The following GFRA2 variants were observed in gnomAD, a reference collection of about 807,000 sequenced individuals.
GFRA2 encodes GDNF family receptor alpha 2.
In GFRA2, 17 loss-of-function variants were observed where a neutral mutation model predicts 48.3. The observed-to-expected ratio is 0.35, with a 90% CI of 0.24 to 0.53. The LOEUF (loss-of-function observed/expected upper bound fraction) is 0.53. Among genes scored for constraint, GFRA2 ranks in the 20% least tolerant of loss-of-function variants. GFRA2 has a pLI of 0.93. For synonymous variants in GFRA2, 305 were observed against 257.2 expected, an observed-to-expected ratio of 1.19 and a Z score of -1.78; for missense variants, 660 against 637.3, an observed-to-expected ratio of 1.04 and a Z score of -0.38.
At chr8:21,749,861 A>G (rs1805192042) in intron 4 of GFRA2, among the ~76,000 whole-genome samples, 1 of 151,924 alleles carries the variant, frequency 6.6e-6, no homozygotes, top group South Asian at 2.1e-4. Context: ...CACCTATAAA[A>G]TAGGAGTAAA....
At chr8:21,787,560 G>A (rs1464564198) in intron 1 of GFRA2, among the ~76,000 whole-genome samples, 1 of 152,140 alleles carries the variant, frequency 6.6e-6, no homozygotes, top group African/African-American at 2.4e-5. Flanking sequence ...GTGGGGACGC[G>A]GGCTCCGTTT....
intron 4 of GFRA2, among the ~76,000 whole-genome samples, chr8:21,740,158 G>T (rs1804680231): frequency 6.6e-6 from 1 of 152,124 alleles, no homozygotes; most frequent in African/African-American, 2.4e-5. Context: ...GCTGGGACTG[G>T]CTCCTCTGCA....
intron 4 of GFRA2, among the ~76,000 whole-genome samples, chr8:21,747,251 C>T (rs1045666296): frequency 6.6e-6 from 1 of 152,184 alleles, no homozygotes; most frequent in African/African-American, 2.4e-5. Context: ...ATCATGCTCC[C>T]ATCTATCCTG....
chr8:21,720,650 G>A (rs951605948), intron 4 of GFRA2, among the ~76,000 whole-genome samples: 1 of 152,100 alleles, frequency 6.6e-6, no homozygotes, highest in African/African-American at 2.4e-5. Flanking sequence ...CAGCCGTGAC[G>A]TTTCATATGC....
chr8:21,726,878 A>C (rs1388476120), intron 4 of GFRA2, among the ~76,000 whole-genome samples: 1 of 150,576 alleles, frequency 6.6e-6, no homozygotes, highest in African/African-American at 2.5e-5. Flanking sequence ...TCAGCCTCCC[A>C]AGTAGCTGGG....
chr8:21,732,596 G>A (rs993573097), intron 4 of GFRA2, among the ~76,000 whole-genome samples: 2 of 152,238 alleles, frequency 1.3e-5, no homozygotes, highest in African/African-American at 4.8e-5. Flanking sequence ...GCAGGAGGAG[G>A]TGCAAGAGCA....
intron 7 of GFRA2, among the ~76,000 whole-genome samples, chr8:21,697,331 G>C (rs899690982): frequency 1.3e-5 from 2 of 151,818 alleles, no homozygotes; most frequent in Non-Finnish European, 2.9e-5. Context: ...GCAGGGGAGA[G>C]AATAAAGGGG....
chr8:21,800,458 C>T (rs1807750278), intron 2 of GFRA2, among the ~76,000 whole-genome samples: 3 of 152,250 alleles, frequency 2.0e-5, no homozygotes, highest in Non-Finnish European at 2.9e-5. Context: ...CGTTAGGCAT[C>T]ACAACCAGTC....
chr8:21,703,494 A>G (rs1449521791), intron 6 of GFRA2, among the ~76,000 whole-genome samples: 1 of 151,920 alleles, frequency 6.6e-6, no homozygotes, highest in Non-Finnish European at 1.5e-5. Flanking sequence ...TGCTCCTCCC[A>G]CACCATCCAG....
intron 4 of GFRA2, among the ~76,000 whole-genome samples, chr8:21,712,200 A>ACCT (rs1803077741): frequency 6.6e-6 from 1 of 151,958 alleles, no homozygotes; most frequent in Admixed American, 6.6e-5. Flanking sequence ...TGTTGGGTAC[A>ACCT]CCTCCCAGAC....
At chr8:21,809,388 G>A (rs918977731) in intron 1 of GFRA2, among the ~76,000 whole-genome samples, 3 of 152,188 alleles carry the variant, frequency 2.0e-5, no homozygotes, top group African/African-American at 4.8e-5. Flanking sequence ...GCAGTGGCGC[G>A]ATCTCAGCTC....
At chr8:21,709,346 G>A (rs911761877) in intron 4 of GFRA2, among the ~76,000 whole-genome samples, 1 of 152,348 alleles carries the variant, frequency 6.6e-6, no homozygotes, top group East Asian at 1.9e-4. Flanking sequence ...TTCATTGCAT[G>A]AGCAGTTCCT....
chr8:21,743,738 C>G (rs1249364345), intron 4 of GFRA2, among the ~76,000 whole-genome samples: 1 of 152,204 alleles, frequency 6.6e-6, no homozygotes, highest in Non-Finnish European at 1.5e-5. Context: ...CATGCTGCCC[C>G]TCCTATGCCT....
At chr8:21,754,585 T>G (rs1805472329) in intron 3 of GFRA2, among the ~76,000 whole-genome samples, 1 of 147,574 alleles carries the variant, frequency 6.8e-6, no homozygotes, top group Non-Finnish European at 1.5e-5. Flanking sequence ...CGCGGCTCAC[T>G]GCAACCTCTG....
At chr8:21,779,003 T>C (rs926506467) in intron 2 of GFRA2, among the ~76,000 whole-genome samples, 1 of 151,116 alleles carries the variant, frequency 6.6e-6, no homozygotes, top group East Asian at 1.9e-4. Context: ...GAGTTCAAGA[T>C]CAGCCTGAGC....
Position 21,736,872 on chromosome 8 carries a change from G to A in GFRA2, c.794+13716C>T, listed in dbSNP as rs925654076. On this transcript the variant is annotated intron_variant, in intron 4 of 8. Coordinates refer to ENST00000524240, the MANE Select transcript of GFRA2 (RefSeq NM_001495.5). ...AGTGAATTTCATTTTGAGAATTAGG[G>A]AGAAAAAATAAGAGAAAAGAAGGAA... 4.9e-5 allele frequency among the ~76,000 whole-genome samples: 6 copies of A among 123,232 alleles called. No individual in the cohort carries two copies. In the South Asian group the frequency reaches 1.7e-3, roughly 34 times the overall value. 80.8% of individuals were successfully genotyped at this position (123,232 alleles called of 152,430 possible). A position where few individuals can be genotyped will look rare whatever the true frequency, so the allele number is the denominator to read the frequency against.
intron 4 of GFRA2, among the ~76,000 whole-genome samples, chr8:21,721,007 TGGAGG>T (rs1229196379): frequency 6.0e-5 from 3 of 49,840 alleles, no homozygotes; most frequent in Non-Finnish European, 1.2e-4. Flanking sequence ...AAAAAAAAAA[TGGAGG>T]GGAGGGGAGG....
In GFRA2 at chr8:21,804,436, A is replaced by C. The variant is rs199716356; in HGVS notation, c.-36+581T>G. 2.2e-3 allele frequency among the ~76,000 whole-genome samples: 161 copies of C among 71,872 alleles called. 1 individual carries two copies. The highest frequency in any genetic ancestry group is 7.1e-3 in the African/African-American group (150 of 21,070). 47.2% of individuals were successfully genotyped at this position (71,872 alleles called of 152,430 possible). A position where few individuals can be genotyped will look rare whatever the true frequency, so the allele number is the denominator to read the frequency against. On this transcript the variant is annotated intron_variant, in intron 2 of 10. Transcript: ENST00000517328. ...ATAAACTTCTCTGCTAAAAAAAAAA[A>C]CAAAAAAAAAACAAACTGGTGCATT...
intron 1 of GFRA2, among the ~76,000 whole-genome samples, chr8:21,784,146 A>C (rs1281822287): frequency 1.3e-5 from 2 of 152,000 alleles, no homozygotes; most frequent in Non-Finnish European, 2.9e-5. Context: ...GAGGGAGGGG[A>C]CAGGGAAAAA....
Sources: allele counts gnomAD v4.1 joint callset (sites outside exome capture counted in the v4.1 genomes callset), GRCh38; gene constraint gnomAD v4.1.1; transcripts MANE v1.5; gene names NCBI Gene and HGNC (gene_info 2026-07-23, HGNC 2026-07-21).